RASGEF1A: variants seen among roughly 807,000 people sequenced by gnomAD.
RASGEF1A encodes the protein ras-GEF domain-containing family member 1A.
A neutral mutation model predicts 56.4 loss-of-function variants in RASGEF1A; 18 were observed. The ratio of observed to expected loss-of-function variants is 0.32; its 90% CI spans 0.22 to 0.47. The LOEUF is 0.47. Among genes scored for constraint, RASGEF1A ranks in the 20% least tolerant of loss-of-function variants. The pLI is 1.00. For synonymous variants in RASGEF1A, 245 were observed against 242.6 expected, an observed-to-expected ratio of 1.01 and a Z score of -0.09; for missense variants, 422 against 627.1, an observed-to-expected ratio of 0.67 and a Z score of 3.49.
chr10:43,223,380 AT>A (rs1840234163), intron 1 of RASGEF1A, among the ~76,000 whole-genome samples: 1 of 152,238 alleles, frequency 6.6e-6, no homozygotes, highest in Non-Finnish European at 1.5e-5. Context: ...CATAAAAAAA[AT>A]CCCTAAATCA....
At chr10:43,243,813 G>A (rs971454459) in intron 1 of RASGEF1A, among the ~76,000 whole-genome samples, 2 of 150,152 alleles carry the variant, frequency 1.3e-5, no homozygotes. Flanking sequence ...ACCTCTGCCC[G>A]GCCACCCAGC....
Position 43,199,204 on chromosome 10 carries a change from G to A in RASGEF1A, c.850-10C>T. The A allele has an allele frequency of 6.3e-7, 1 of 1,597,446 alleles. No individual in the cohort carries two copies. The highest frequency in any genetic ancestry group is 8.5e-7 in the Non-Finnish European group (1 of 1,170,524). On this transcript the variant is annotated splice_polypyrimidine_tract_variant and intron_variant, in intron 7 of 12. Coordinates refer to ENST00000395810, the MANE Select transcript of RASGEF1A (RefSeq NM_145313.4). ...GTTTCTTCTTCACCACCTGGAAGGT[G>A]GCAGGTGACCTCAGCATGGCGCTGC...
intron 1 of RASGEF1A, among the ~76,000 whole-genome samples, chr10:43,233,540 C>T (rs532347634): frequency 1.3e-5 from 2 of 152,340 alleles, no homozygotes; most frequent in Admixed American, 6.5e-5. Context: ...AGCTCCATGA[C>T]TCATCTGGGA....
At chr10:43,229,759 GCCGCTGGACGCCT>G (rs1840336556) in intron 1 of RASGEF1A, 12 of 1,307,918 alleles carry the variant, frequency 9.2e-6, no homozygotes, top group Non-Finnish European at 1.2e-5. Flanking sequence ...GCCGGCCCCT[GCCGCTGGACGCCT>G]CCGCTGGAGG....
chr10:43,197,645 T>A (rs112005660), intron 10 of RASGEF1A, among the ~76,000 whole-genome samples: 1 of 152,064 alleles, frequency 6.6e-6, no homozygotes, highest in Non-Finnish European at 1.5e-5. Flanking sequence ...CTCTGCCGCC[T>A]CCTCCCTGCT....
chr10:43,207,283 A>G, intron 1 of RASGEF1A: 1 of 985,516 alleles, frequency 1.0e-6, no homozygotes, highest in Non-Finnish European at 1.2e-6. Flanking sequence ...CACTGCACAG[A>G]GCAAATTGTT....
At chr10:43,237,518 C>A (rs1840446849) in intron 1 of RASGEF1A, among the ~76,000 whole-genome samples, 1 of 150,504 alleles carries the variant, frequency 6.6e-6, no homozygotes, top group South Asian at 2.1e-4. Flanking sequence ...GTCCTCCTGA[C>A]CCCGGCTCCT....
chr10:43,254,053 G>C (rs561509091), intron 1 of RASGEF1A, among the ~76,000 whole-genome samples: 77 of 152,334 alleles, frequency 5.1e-4, no homozygotes, highest in African/African-American at 1.8e-3. Flanking sequence ...CAGGCCCACA[G>C]AGGGCAGACG....
chr10:43,197,281 CA>C (rs1357921900), intron 10 of RASGEF1A, among the ~76,000 whole-genome samples, 182 bp from the exon 11 acceptor site: 21 of 152,224 alleles, frequency 1.4e-4, no homozygotes, highest in Non-Finnish European at 5.9e-5. Flanking sequence ...GCCTCAGAGC[CA>C]GCAGGTGTCC....
intron 1 of RASGEF1A, 100 bp from the exon 2 acceptor site, chr10:43,206,222 G>C (rs1424359277): frequency 9.7e-7 from 1 of 1,027,106 alleles, no homozygotes; most frequent in Non-Finnish European, 1.4e-6. Context: ...TGTGTGCAGG[G>C]GTGCGTGGCA....
chr10:43,208,085 C>G, intron 1 of RASGEF1A: 1 of 985,480 alleles, frequency 1.0e-6, no homozygotes, highest in Non-Finnish European at 1.2e-6. Context: ...CCCCTTGTTG[C>G]CCACAGCTGC....
rs1380938396 is a variant in RASGEF1A, at chr10:43,194,632, A to AAAT, written c.*1609_*1611dup. Reference sequence around the variant, plus strand: ...CAGCTTCATACTCAGAGTTCATCTCAAATACCAAAACATCAAATCAGGGTA... The same window carrying AAAT: ...CAGCTTCATACTCAGAGTTCATCTCAAATAATACCAAAACATCAAATCAGGGTA... On this transcript the variant is annotated 3_prime_UTR_variant, in exon 13 of 13. Transcript: ENST00000395810. 1 of 152,286 alleles carries AAAT rather than the reference A, an allele frequency of 6.6e-6. No individual in the cohort carries two copies. Among genetic ancestry groups the AAAT allele is most frequent in the African/African-American group, 2.4e-5 (1 of 41,466 alleles). 9.4% of individuals were successfully genotyped at this position (152,286 alleles called of 1,614,324 possible).
chr10:43,203,653 C>A, intron 2 of RASGEF1A: 4 of 1,225,686 alleles, frequency 3.3e-6, no homozygotes, highest in Non-Finnish European at 4.2e-6. Context: ...GCAGCTCTCC[C>A]AGGCCTCCTA....
intron 1 of RASGEF1A, among the ~76,000 whole-genome samples, chr10:43,251,325 T>C (rs1445539505): frequency 6.6e-6 from 1 of 152,152 alleles, no homozygotes; most frequent in Non-Finnish European, 1.5e-5. Context: ...ATATGAGGAC[T>C]GTGTGCTTCC....
intron 2 of RASGEF1A, among the ~76,000 whole-genome samples, chr10:43,204,122 G>A (rs1342714893): frequency 6.6e-6 from 1 of 152,198 alleles, no homozygotes; most frequent in Non-Finnish European, 1.5e-5. Context: ...GTCAATGTCT[G>A]TGGGAACTTC....
rs562806035 is a variant in RASGEF1A at position 43,195,480 on chromosome 10, A to T, written c.*764T>A. On this transcript the variant is annotated 3_prime_UTR_variant, in exon 13 of 13. Coordinates refer to ENST00000395810, the MANE Select transcript of RASGEF1A (RefSeq NM_145313.4). The surrounding 1 kb of genome is among the most constrained non-coding windows in gnomAD (Gnocchi z 4.2). The stretch of plus-strand genomic sequence containing the variant: ...TCAGTGTGTCTTTCAGTCACAGCCC[A>T]GAAAACTGACAACTCCATGCTTCCC... 2.0e-5 allele frequency: 3 copies of T among 152,382 alleles called. No homozygotes were observed. Among genetic ancestry groups the T allele is most frequent in the Admixed American group, 2.0e-4 (3 of 15,308 alleles). 9.4% of individuals were successfully genotyped at this position (152,382 alleles called of 1,614,324 possible).
rs983473282 is a variant in RASGEF1A at position 43,239,000 on chromosome 10, A to G, written c.-7+27845T>C. Among the ~76,000 whole-genome samples the G allele has an allele frequency of 3.3e-5, 5 of 152,218 alleles. No homozygotes were observed. In the South Asian group the frequency reaches 6.2e-4, roughly 19 times the overall value. ...AATCACAGGCTCTCGAAGAAGGGGTATTATTCATTCTAATCAGTGGTGCCT... is the reference window on the plus strand; with the variant it reads ...AATCACAGGCTCTCGAAGAAGGGGTGTTATTCATTCTAATCAGTGGTGCCT... On this transcript the variant is annotated intron_variant, in intron 1 of 12. Transcript: ENST00000395810.
chr10:43,199,557 C>G, intron 7 of RASGEF1A, 119 bp downstream of exon 7: 1 of 802,126 alleles, frequency 1.2e-6, no homozygotes, highest in Admixed American at 2.0e-5. Flanking sequence ...CCTGACAATG[C>G]AACAGGGACT....
chr10:43,200,621 G>A (rs376943506), intron 5 of RASGEF1A, 46 bp downstream of exon 5: 3 of 1,538,250 alleles, frequency 2.0e-6, no homozygotes, highest in Non-Finnish European at 2.7e-6. Flanking sequence ...GAGGCACTGT[G>A]GTCCCACAGC....
Sources: gnomAD v4.1 joint callset for allele counts (sites outside exome capture counted in the v4.1 genomes callset) on GRCh38, gnomAD v4.1.1 for gene constraint, Gnocchi (gnomAD v3.1) non-coding constraint, MANE v1.5 for transcripts, NCBI Gene and HGNC (gene_info 2026-07-23, HGNC 2026-07-21) for gene names.